GALNS: variants seen among roughly 807,000 people sequenced by gnomAD.
The protein encoded by GALNS is N-acetylgalactosamine-6-sulfatase.
In GALNS, 65 loss-of-function variants were observed where a neutral mutation model predicts 65.9. The observed-to-expected ratio is 0.99, with a 90% CI of 0.81 to 1.21. The LOEUF (loss-of-function observed/expected upper bound fraction) is 1.21. Among genes scored for constraint, GALNS ranks in the 50% most tolerant of loss-of-function variants. The probability of loss-of-function intolerance (pLI) is 0.00; values close to 1 mark genes in which losing one functional copy is unlikely to be tolerated. For synonymous variants in GALNS, 346 were observed against 288.9 expected (o/e 1.20, Z -2.00); for missense variants, 776 against 700.7 (o/e 1.11, Z -1.21).
chr16:88,839,959 G>A (rs1016221934), intron 4 of GALNS, among the ~76,000 whole-genome samples: 2 of 152,226 alleles, frequency 1.3e-5, no homozygotes, highest in African/African-American at 2.4e-5. Flanking sequence ...TCCTCCTGTT[G>A]GCACAGTACT....
chr16:88,835,747 A>G lies in GALNS; in HGVS notation c.736T>C (p.Leu246=). The G allele has an allele frequency of 1.9e-6, 3 of 1,614,130 alleles. No homozygotes were observed. The highest frequency in any genetic ancestry group is 2.5e-6 in the Non-Finnish European group (3 of 1,180,036). The change falls in exon 7 of 14, where the codon TTG becomes CTG. Residue 246 remains leucine, a synonymous_variant. Coordinates refer to ENST00000268695, the MANE Select transcript of GALNS (RefSeq NM_000512.5). ...HAPVYASKPF[L]GTSQRGRYGD... is the part of the protein sequence containing the mutation. ...CACCGCCCTCGCTGACTGGTGCCCA[A>G]GAAGGGTTTGGAGGCATAGACGGGT...
Position 88,816,668 on chromosome 16 carries a change from G to A in GALNS, c.1482+1339C>T, listed in dbSNP as rs975969227. 5.1e-6 allele frequency: 5 copies of A among 985,328 alleles called. No homozygotes were observed. In the African/African-American group the frequency reaches 8.7e-5, roughly 17 times the overall value. The allele number at this position is 985,328 out of a possible 1,614,324, so 61.0% of individuals were successfully genotyped here. A position where few individuals can be genotyped will look rare whatever the true frequency, so the allele number is the denominator to read the frequency against. On this transcript the variant is annotated intron_variant, in intron 13 of 13. Coordinates refer to ENST00000268695, the MANE Select transcript of GALNS (RefSeq NM_000512.5). ...TGCTCCCGATGGCCGGTGCTCTCCT[G>A]TTACATCCGCCGGCCCACGCTGTGG...
chr16:88,843,171 C>G, intron 1 of GALNS: 8 of 1,387,638 alleles, frequency 5.8e-6, no homozygotes, highest in South Asian at 1.2e-5. Flanking sequence ...TCTGCATGCT[C>G]GCAGGAGCTG....
intron 1 of GALNS, among the ~76,000 whole-genome samples, chr16:88,853,255 A>G: frequency 7.5e-6 from 1 of 133,760 alleles, no homozygotes; most frequent in South Asian, 2.3e-4. Context: ...CCATCTCAAA[A>G]AAAAAAAAAA....
chr16:88,816,460 C>G, intron 13 of GALNS: 1 of 985,378 alleles, frequency 1.0e-6, no homozygotes, highest in Non-Finnish European at 1.2e-6. Flanking sequence ...GCCAGCTGCC[C>G]AGGTCCCTTT....
In GALNS at chr16:88,841,019, C is replaced by T. The variant is rs1238083579; in HGVS notation, c.395G>A (p.Gly132Asp). The T allele has an allele frequency of 1.2e-6, 2 of 1,613,264 alleles. No homozygotes were observed. The highest frequency in any genetic ancestry group is 2.2e-5 in the East Asian group (1 of 44,882). Reference protein sequence around the residue: ...QLLPELLKKAGYVSKIVGKWH... With the variant: ...QLLPELLKKADYVSKIVGKWH... ...CTTGCCGACAATCTTGCTGACGTAG[C>T]CGGCCTTCTTCAGAAGCTCCGGCAG... Residue 132 changes from glycine (G) to aspartate (D), a missense_variant, in exon 4 of 14, where the codon GGC (glycine) becomes GAC (aspartate). Coordinates refer to ENST00000268695, the MANE Select transcript of GALNS (RefSeq NM_000512.5).
intron 12 of GALNS, among the ~76,000 whole-genome samples, chr16:88,819,013 G>A (rs1195220908): frequency 1.3e-5 from 2 of 152,222 alleles, no homozygotes; most frequent in African/African-American, 4.8e-5. Context: ...CCTGATGGCA[G>A]CACCTGTCCA....
intron 1 of GALNS, chr16:88,843,224 C>T: frequency 7.6e-7 from 1 of 1,308,246 alleles, no homozygotes; most frequent in Non-Finnish European, 1.0e-6. Flanking sequence ...AATACACAGG[C>T]CCTCGTATGT....
chr16:88,839,296 C>T (rs938592505), intron 4 of GALNS, among the ~76,000 whole-genome samples: 9 of 150,594 alleles, frequency 6.0e-5, no homozygotes, highest in East Asian at 2.0e-4. Flanking sequence ...CGCCAACGTC[C>T]GCAGGTCACC....
In GALNS at chr16:88,835,363, G is replaced by A. The variant is rs1377755135; in HGVS notation, c.759-11C>T. 1 of 1,613,288 alleles carries A rather than the reference G, an allele frequency of 6.2e-7. No homozygotes were observed. The highest frequency in any genetic ancestry group is 1.3e-5 in the African/African-American group (1 of 74,892). ...ACGGCGTCTCCATACCTGCAGGATG[G>A]TGACAAAAGGCATCTCCATACCTGG... On this transcript the variant is annotated splice_polypyrimidine_tract_variant and intron_variant, in intron 7 of 13. Coordinates refer to ENST00000268695, the MANE Select transcript of GALNS (RefSeq NM_000512.5).
At chr16:88,856,578 G>A (rs1418615750) in intron 1 of GALNS, 180 bp downstream of exon 1, 1 of 560,578 alleles carries the variant, frequency 1.8e-6, no homozygotes, top group Non-Finnish European at 3.2e-6. Context: ...CCCGCACGGG[G>A]ATACCCCCCG....
rs1202078562 is a variant in GALNS at position 88,831,207 on chromosome 16, AG to A, written c.1002+790del. Among the ~76,000 whole-genome samples, 3 of 151,888 alleles carry A rather than the reference AG, an allele frequency of 2.0e-5. No homozygotes were observed. In the East Asian group the frequency reaches 5.8e-4, roughly 29 times the overall value. On this transcript the variant is annotated intron_variant, in intron 9 of 13. Transcript: ENST00000268695. ...AGCCACCGAGAGGGACCTGGTTCCGAGGAGAGCGGTGAGGCCGAGCACGGGG... is the reference window on the plus strand; with the variant it reads ...AGCCACCGAGAGGGACCTGGTTCCGAGAGAGCGGTGAGGCCGAGCACGGGG...
At chr16:88,850,485 C>T (rs1316401692) in intron 1 of GALNS, among the ~76,000 whole-genome samples, 1 of 152,174 alleles carries the variant, frequency 6.6e-6, no homozygotes, top group Non-Finnish European at 1.5e-5. Context: ...TCATCACTCA[C>T]CAGAAAATAC....
chr16:88,835,740 G>A lies in GALNS; in HGVS notation c.743C>T (p.Thr248Ile), dbSNP rs901951699. The A allele has an allele frequency of 6.2e-7, 1 of 1,614,002 alleles. No homozygotes were observed. The highest frequency in any genetic ancestry group is 1.3e-5 in the African/African-American group (1 of 74,948). ...CAGGACTCACCGCCCTCGCTGACTGGTGCCCAAGAAGGGTTTGGAGGCATA... is the reference window on the plus strand; with the variant it reads ...CAGGACTCACCGCCCTCGCTGACTGATGCCCAAGAAGGGTTTGGAGGCATA... The part of the protein sequence containing the change: ...PVYASKPFLG[T>I]SQRGRYGDAV... Residue 248 changes from threonine to isoleucine, a missense_variant, in exon 7 of 14, where the codon ACC becomes ATC. By Grantham distance (89) the Thr-to-Ile change is moderately conservative. Coordinates refer to ENST00000268695, the MANE Select transcript of GALNS (RefSeq NM_000512.5).
intron 8 of GALNS, among the ~76,000 whole-genome samples, chr16:88,834,465 C>CGG (rs1479516068): frequency 1.1e-5 from 1 of 94,008 alleles, no homozygotes; most frequent in Admixed American, 1.1e-4. Flanking sequence ...TAGGGCCCCC[C>CGG]CCGTGTGGTC....
chr16:88,822,842 A>G (rs569084669), intron 11 of GALNS, 132 bp from the exon 12 acceptor site: 1 of 1,368,984 alleles, frequency 7.3e-7, no homozygotes. Flanking sequence ...TGGAGCCCCT[A>G]ACTGGGGGCC....
intron 9 of GALNS, among the ~76,000 whole-genome samples, chr16:88,827,642 C>T (rs1911071486): frequency 2.0e-5 from 3 of 152,182 alleles, no homozygotes; most frequent in Admixed American, 6.5e-5. Flanking sequence ...GACGGGGTTT[C>T]TCCATGTTGG....
intron 1 of GALNS, chr16:88,855,436 A>G (rs1317171367): frequency 5.7e-6 from 4 of 702,870 alleles, no homozygotes; most frequent in Non-Finnish European, 7.8e-6. Context: ...TAGGAGGGAG[A>G]TGCCACTCAG....
intron 2 of GALNS, 159 bp downstream of exon 2, chr16:88,842,547 G>T: frequency 3.4e-6 from 3 of 883,892 alleles, no homozygotes; most frequent in Non-Finnish European, 5.1e-6. Flanking sequence ...GCCGGGCTGG[G>T]ATTTGATGAG....
Sources: gnomAD v4.1 joint callset for allele counts (sites outside exome capture counted in the v4.1 genomes callset) on GRCh38, gnomAD v4.1.1 for gene constraint, MANE v1.5 for transcripts, NCBI Gene and HGNC (gene_info 2026-07-23, HGNC 2026-07-21) for gene names.